The following RAB31 variants were observed in gnomAD, a reference collection of about 807,000 sequenced individuals.
The protein encoded by RAB31 is RAB31, member RAS oncogene family, also known as ras-related protein Rab-31.
A neutral mutation model predicts 25.6 loss-of-function variants in RAB31; 21 were observed. The ratio of observed to expected loss-of-function variants is 0.82; its 90% CI spans 0.58 to 1.18. RAB31 has a LOEUF of 1.18. RAB31 is among the 50% of genes most tolerant of loss of function. The pLI, the probability that RAB31 is intolerant of heterozygous loss-of-function variation, is 0.00. For synonymous variants in RAB31, 87 were observed against 84.0 expected (o/e 1.04, Z -0.20); for missense variants, 196 against 250.1 (o/e 0.78, Z 1.46).
intron 3 of RAB31, among the ~76,000 whole-genome samples, chr18:9,799,329 A>G (rs1009320121): frequency 6.6e-6 from 1 of 152,224 alleles, no homozygotes; most frequent in African/African-American, 2.4e-5. Flanking sequence ...GTTCTGCCTA[A>G]CATACACAGC....
intron 3 of RAB31, among the ~76,000 whole-genome samples, chr18:9,810,052 A>G (rs2068562929): frequency 6.6e-6 from 1 of 152,218 alleles, no homozygotes; most frequent in Non-Finnish European, 1.5e-5. Context: ...GGACATAAAC[A>G]GCTATTTCTT....
chr18:9,737,711 C>G (rs138275332), intron 1 of RAB31, among the ~76,000 whole-genome samples: 17 of 152,134 alleles, frequency 1.1e-4, no homozygotes, highest in Admixed American at 5.2e-4. Flanking sequence ...GTTGTCACGA[C>G]GGCAGAAAAT....
intron 5 of RAB31, among the ~76,000 whole-genome samples, chr18:9,823,092 A>G (rs1442489605): frequency 6.6e-6 from 1 of 152,212 alleles, no homozygotes; most frequent in African/African-American, 2.4e-5. Flanking sequence ...AAAGGAGGCA[A>G]ACTGCTGATA....
chr18:9,756,343 G>T (rs2068260396), intron 1 of RAB31, among the ~76,000 whole-genome samples: 1 of 152,196 alleles, frequency 6.6e-6, no homozygotes, highest in Admixed American at 6.5e-5. Flanking sequence ...GTTGTGGGCA[G>T]ACTGTAATAT....
intron 2 of RAB31, among the ~76,000 whole-genome samples, chr18:9,791,107 T>TAA (rs2068457364): frequency 6.6e-6 from 1 of 152,198 alleles, no homozygotes; most frequent in Admixed American, 6.5e-5. Flanking sequence ...AAGTATGTGT[T>TAA]AAGCTGCCAA....
At position 9,822,335 on chromosome 18, in the gene RAB31, G is replaced by A. The variant is rs116153552; in HGVS notation, c.380+7113G>A. ...TGAATCACAGGCTTTAATGTAAAAT[G>A]TTAACCCATAAAACTTTTAGAAAAA... is the stretch of plus-strand genomic sequence containing the variant. On this transcript the variant is annotated intron_variant, in intron 5 of 6. Coordinates refer to ENST00000578921, the MANE Select transcript of RAB31 (RefSeq NM_006868.4). Among the ~76,000 whole-genome samples, 796 of 152,212 alleles carry A rather than the reference G, an allele frequency of 5.2e-3. 4 individuals are homozygous for A. Among genetic ancestry groups the A allele is most frequent in the African/African-American group, 0.018 (747 of 41,528 alleles).
intron 1 of RAB31, among the ~76,000 whole-genome samples, chr18:9,746,574 A>G (rs948290117): frequency 6.6e-6 from 1 of 152,066 alleles, no homozygotes; most frequent in Non-Finnish European, 1.5e-5. Flanking sequence ...TAAGCCATAC[A>G]GACCAAGGAA....
At chr18:9,737,133 T>A (rs1444381534) in intron 1 of RAB31, among the ~76,000 whole-genome samples, 1 of 152,214 alleles carries the variant, frequency 6.6e-6, no homozygotes, top group Non-Finnish European at 1.5e-5. Context: ...GGATGACAGA[T>A]TCTGCCCCTG....
At chr18:9,752,907 C>T (rs902532475) in intron 1 of RAB31, among the ~76,000 whole-genome samples, 1 of 152,120 alleles carries the variant, frequency 6.6e-6, no homozygotes, top group Admixed American at 6.5e-5. Context: ...AGGCACAGAT[C>T]ATATCTTGAT....
At chr18:9,835,976 G>T (rs1450707128) in intron 5 of RAB31, among the ~76,000 whole-genome samples, 1 of 151,958 alleles carries the variant, frequency 6.6e-6, no homozygotes, top group Non-Finnish European at 1.5e-5. Context: ...ACGCGTCAGA[G>T]CACACACAGC....
chr18:9,759,664 A>T (rs893951563), intron 1 of RAB31, among the ~76,000 whole-genome samples: 3 of 152,118 alleles, frequency 2.0e-5, no homozygotes, highest in African/African-American at 7.2e-5. Context: ...AACAAGGTAT[A>T]TGCTTGCCGG....
rs146408308 is a variant in RAB31, at chr18:9,728,364, G to A, written c.39+19920G>A. Among the ~76,000 whole-genome samples, 510 of 152,276 alleles carry A rather than the reference G, an allele frequency of 3.3e-3. 1 individual carries two copies. The highest frequency in any genetic ancestry group is 5.8e-3 in the Admixed American group (88 of 15,296). On this transcript the variant is annotated intron_variant, in intron 1 of 6. Transcript: ENST00000578921. ...GAATCTTAATGTACGTGAATGAAAT[G>A]TATTTGTGGGATTTTCTAGAAATAG...
At chr18:9,739,672 A>G (rs72964031) in intron 1 of RAB31, among the ~76,000 whole-genome samples, 1 of 152,268 alleles carries the variant, frequency 6.6e-6, no homozygotes, top group Non-Finnish European at 1.5e-5. Flanking sequence ...GAAACAGGAG[A>G]TCCCAGATTA....
intron 1 of RAB31, among the ~76,000 whole-genome samples, chr18:9,755,852 C>T (rs1172258250): frequency 6.6e-6 from 1 of 152,228 alleles, no homozygotes; most frequent in Non-Finnish European, 1.5e-5. Context: ...TTTTGCTGCC[C>T]TCTGCTCAGA....
intron 3 of RAB31, among the ~76,000 whole-genome samples, chr18:9,799,242 A>G (rs1012497201): frequency 2.0e-5 from 3 of 152,212 alleles, no homozygotes; most frequent in Non-Finnish European, 4.4e-5. Flanking sequence ...TGTGTCCTTA[A>G]AGGAAGAAAG....
At chr18:9,783,303 T>C (rs773795687) in intron 2 of RAB31, among the ~76,000 whole-genome samples, 2 of 152,174 alleles carry the variant, frequency 1.3e-5, no homozygotes, top group Non-Finnish European at 2.9e-5. Context: ...GGGCCTCTGC[T>C]TCCTCTTCCT....
chr18:9,833,250 G>A (rs2068688234), intron 5 of RAB31, among the ~76,000 whole-genome samples: 1 of 152,220 alleles, frequency 6.6e-6, no homozygotes, highest in African/African-American at 2.4e-5. Flanking sequence ...GACCACAGCA[G>A]GCAGAAGCCA....
chr18:9,814,054 C>T lies in RAB31; in HGVS notation c.236C>T (p.Ser79Leu), dbSNP rs775517322. Residue 79 changes from serine to leucine, a missense_variant, in exon 4 of 7, where the codon TCA (serine) becomes TTA (leucine). Coordinates refer to ENST00000578921, the MANE Select transcript of RAB31 (RefSeq NM_006868.4). Reference sequence around the variant, plus strand: ...TTGGCTCCCATGTACTATCGAGGCTCAGCTGCAGCTGTTATCGTGTATGAT... The same window carrying T: ...TTGGCTCCCATGTACTATCGAGGCTTAGCTGCAGCTGTTATCGTGTATGAT... Reference protein sequence around the residue: ...HSLAPMYYRGSAAAVIVYDIT... With the variant: ...HSLAPMYYRGLAAAVIVYDIT... 1 of 1,595,348 alleles carries T rather than the reference C, an allele frequency of 6.3e-7. No individual in the cohort carries two copies.
chr18:9,800,972 TC>T (rs1440417830), intron 3 of RAB31, among the ~76,000 whole-genome samples: 3 of 152,184 alleles, frequency 2.0e-5, no homozygotes, highest in African/African-American at 7.2e-5. Flanking sequence ...CACTCCCAGT[TC>T]CCCCTCTACA....
Sources: gnomAD v4.1 joint callset for allele counts (sites outside exome capture counted in the v4.1 genomes callset) on GRCh38, gnomAD v4.1.1 for gene constraint, MANE v1.5 for transcripts, NCBI Gene and HGNC (gene_info 2026-07-23, HGNC 2026-07-21) for gene names.